The following ZNF423 variants were observed in gnomAD, a reference collection of about 807,000 sequenced individuals.
ZNF423 encodes zinc finger protein 423.
ZNF423 carries 12 observed loss-of-function variants against 95.8 expected under a neutral mutation model. That is an observed-to-expected ratio of 0.13 (90% CI 0.08 to 0.20). The LOEUF (loss-of-function observed/expected upper bound fraction) is 0.20. Among genes scored for constraint, ZNF423 ranks in the 10% least tolerant of loss-of-function variants. The pLI is 1.00. For synonymous variants in ZNF423, 749 were observed against 711.9 expected, an observed-to-expected ratio of 1.05 and a Z score of -0.83; for missense variants, 1,316 against 1,737.1, an observed-to-expected ratio of 0.76 and a Z score of 4.31.
At chr16:49,762,680 G>A (rs192382445) in intron 2 of ZNF423, among the ~76,000 whole-genome samples, 12 of 152,260 alleles carry the variant, frequency 7.9e-5, no homozygotes, top group African/African-American at 2.6e-4. Context: ...TGTCACTCAG[G>A]AGGTGCAAGG....
chr16:49,545,215 C>T (rs1011075026), intron 5 of ZNF423, among the ~76,000 whole-genome samples: 4 of 152,162 alleles, frequency 2.6e-5, no homozygotes, highest in South Asian at 4.1e-4. Flanking sequence ...TGGCATTTTT[C>T]GTCCCATTCT....
At chr16:49,836,822 G>A in intron 1 of ZNF423, among the ~76,000 whole-genome samples, 1 of 152,182 alleles carries the variant, frequency 6.6e-6, no homozygotes, top group East Asian at 1.9e-4. Context: ...TAAGAAGGCA[G>A]GACAGGATAC....
chr16:49,639,122 A>G (rs1972879929), intron 3 of ZNF423, among the ~76,000 whole-genome samples: 1 of 152,134 alleles, frequency 6.6e-6, no homozygotes, highest in Non-Finnish European at 1.5e-5. Context: ...ACTTGCCTGG[A>G]CCTGGCAGGA....
chr16:49,810,759 G>A lies in ZNF423; in HGVS notation c.41-21213C>T, dbSNP rs573274005. On this transcript the variant is annotated intron_variant, in intron 1 of 7. Coordinates refer to ENST00000563137, the MANE Select transcript of ZNF423 (RefSeq NM_001379286.1). ...TAAAACCACCTATAATGCCCCTCTC[G>A]GAAATGCCATGGGTATTTGAGGGCA... Among the ~76,000 whole-genome samples the A allele has an allele frequency of 2.6e-5, 4 of 152,270 alleles. No homozygotes were observed. In the South Asian group the frequency reaches 6.2e-4, roughly 24 times the overall value.
chr16:49,659,161 T>C (rs2030061849), intron 3 of ZNF423, among the ~76,000 whole-genome samples: 1 of 152,238 alleles, frequency 6.6e-6, no homozygotes, highest in African/African-American at 2.4e-5. Context: ...CAATCATAGC[T>C]CACTGTGGCC....
chr16:49,849,845 G>A (rs78884095), intron 1 of ZNF423, among the ~76,000 whole-genome samples: 248 of 152,310 alleles, frequency 1.6e-3, no homozygotes, highest in African/African-American at 5.7e-3. Flanking sequence ...CAACAGCAAC[G>A]TAACAAAGAA....
chr16:49,761,139 G>T (rs1213968998), intron 2 of ZNF423, among the ~76,000 whole-genome samples: 1 of 152,166 alleles, frequency 6.6e-6, no homozygotes, highest in South Asian at 2.1e-4. Context: ...TTCAGCCCAG[G>T]TTACTTGCCC....
chr16:49,663,919 A>AT (rs2030386881), intron 3 of ZNF423, among the ~76,000 whole-genome samples: 1 of 152,180 alleles, frequency 6.6e-6, no homozygotes. Context: ...CCAGAAAAAA[A>AT]CGTTTCCTTC....
At chr16:49,620,468 A>T (rs1972032469) in intron 5 of ZNF423, among the ~76,000 whole-genome samples, 1 of 152,174 alleles carries the variant, frequency 6.6e-6, no homozygotes. Context: ...GAAGGCACCC[A>T]GGGAAAGGGC....
At chr16:49,672,555 G>C (rs1386082862) in intron 3 of ZNF423, among the ~76,000 whole-genome samples, 1 of 152,208 alleles carries the variant, frequency 6.6e-6, no homozygotes, top group Non-Finnish European at 1.5e-5. Flanking sequence ...GGTGGTTCAC[G>C]CCTGTAATCC....
chr16:49,590,016 A>AGGG (rs1389516317), intron 5 of ZNF423, among the ~76,000 whole-genome samples: 1 of 144,028 alleles, frequency 6.9e-6, no homozygotes, highest in Non-Finnish European at 1.5e-5. Context: ...GATGGGGTAA[A>AGGG]GGGGAAGTGG....
intron 3 of ZNF423, among the ~76,000 whole-genome samples, chr16:49,642,565 C>A (rs1973009995): frequency 6.6e-6 from 1 of 152,174 alleles, no homozygotes; most frequent in Non-Finnish European, 1.5e-5. Context: ...ACTGAAAAGG[C>A]CCAATCAGGG....
chr16:49,699,080 G>C (rs2032078895), intron 3 of ZNF423, among the ~76,000 whole-genome samples: 1 of 152,194 alleles, frequency 6.6e-6, no homozygotes, highest in African/African-American at 2.4e-5. Context: ...TTAGTATCCA[G>C]CCGAAAACAC....
At chr16:49,722,994 C>T (rs1273572716) in intron 3 of ZNF423, among the ~76,000 whole-genome samples, 4 of 142,494 alleles carry the variant, frequency 2.8e-5, no homozygotes, top group South Asian at 2.3e-4. Context: ...GTCACTCTGT[C>T]GCCCAGGCTG....
intron 2 of ZNF423, among the ~76,000 whole-genome samples, chr16:49,768,228 G>T (rs1596987578): frequency 6.6e-6 from 1 of 152,202 alleles, no homozygotes; most frequent in African/African-American, 2.4e-5. Flanking sequence ...GTCCCTGAGC[G>T]GGAGCCGGGA....
chr16:49,654,530 C>G (rs1233983855), intron 3 of ZNF423, among the ~76,000 whole-genome samples: 1 of 152,232 alleles, frequency 6.6e-6, no homozygotes, highest in Non-Finnish European at 1.5e-5. Flanking sequence ...CCAGAAGCTC[C>G]AAGCCCGGGA....
At chr16:49,776,066 G>A (rs552075373) in intron 2 of ZNF423, among the ~76,000 whole-genome samples, 2 of 152,348 alleles carry the variant, frequency 1.3e-5, no homozygotes, top group African/African-American at 4.8e-5. Context: ...GGCCATTTAG[G>A]GAGAGGAGAT....
chr16:49,658,079 T>C (rs2029985334), intron 3 of ZNF423, among the ~76,000 whole-genome samples: 1 of 152,232 alleles, frequency 6.6e-6, no homozygotes, highest in Non-Finnish European at 1.5e-5. Flanking sequence ...GTTTTTGTAA[T>C]GCCCATTAAA....
chr16:49,491,311 A>T lies in ZNF423; in HGVS notation c.3850-7T>A. Reference sequence around the variant, plus strand: ...GCTGGCTCATCGTGTGGTTCTGCAAAGGCGAAGAAAGGAGACACACATGAA... The same window carrying T: ...GCTGGCTCATCGTGTGGTTCTGCAATGGCGAAGAAAGGAGACACACATGAA... On this transcript the variant is annotated splice_region_variant and splice_polypyrimidine_tract_variant and intron_variant, in intron 7 of 7. Coordinates refer to ENST00000563137, the MANE Select transcript of ZNF423 (RefSeq NM_001379286.1). The T allele has an allele frequency of 1.2e-6, 2 of 1,613,992 alleles. No homozygotes were observed. The highest frequency in any genetic ancestry group is 2.7e-5 in the African/African-American group (2 of 75,046).
Sources: allele counts gnomAD v4.1 joint callset (sites outside exome capture counted in the v4.1 genomes callset), GRCh38; gene constraint gnomAD v4.1.1; transcripts MANE v1.5; gene names NCBI Gene and HGNC (gene_info 2026-07-23, HGNC 2026-07-21).